ZNF469: variants seen among roughly 807,000 people sequenced by gnomAD.
ZNF469 encodes the protein zinc finger protein 469.
A neutral mutation model predicts 1.0 loss-of-function variants in ZNF469; 1 was observed. That is an observed-to-expected ratio of 1.00 (90% CI 0.35 to 4.73). The LOEUF is 4.73. Ranked by LOEUF, ZNF469 falls within the 30% of genes most tolerant of loss-of-function variation. ZNF469 has a pLI of 0.16. For synonymous variants in ZNF469, 2,703 were observed against 2,363.4 expected, an observed-to-expected ratio of 1.14 and a Z score of -4.17; for missense variants, 6,100 against 5,356.3, an observed-to-expected ratio of 1.14 and a Z score of -4.33.
At chr16:88,108,255 G>C in the ZNF469 span, among the ~76,000 whole-genome samples, 1 of 151,922 alleles carries the variant, frequency 6.6e-6, no homozygotes, top group Non-Finnish European at 1.5e-5. Context: ...GTCCATGTCT[G>C]TGGGGATGTG....
At chr16:88,359,198 G>A in the ZNF469 span, among the ~76,000 whole-genome samples, 25 of 151,332 alleles carry the variant, frequency 1.7e-4, no homozygotes, top group African/African-American at 4.1e-4. Context: ...AGAGAGTCCC[G>A]GGGGCTCGGT....
At chr16:88,287,919 T>C in the ZNF469 span, among the ~76,000 whole-genome samples, 1 of 152,222 alleles carries the variant, frequency 6.6e-6, no homozygotes, top group Non-Finnish European at 1.5e-5. Flanking sequence ...TTAGAAATGA[T>C]TTGAGATTTT....
the ZNF469 span, among the ~76,000 whole-genome samples, chr16:88,151,677 G>A: frequency 6.6e-6 from 1 of 152,178 alleles, no homozygotes; most frequent in South Asian, 2.1e-4. The surrounding 1 kb of genome is among the most constrained non-coding windows in gnomAD (Gnocchi z 5.4). Flanking sequence ...AACAATACTT[G>A]TGTGCACCCT....
chr16:88,411,240 G>A (rs535214473), intron 1 of ZNF469, among the ~76,000 whole-genome samples: 1 of 152,208 alleles, frequency 6.6e-6, no homozygotes, highest in African/African-American at 2.4e-5. Flanking sequence ...GAGGGTGAAA[G>A]TGCCACACAG....
the ZNF469 span, among the ~76,000 whole-genome samples, chr16:88,372,886 C>G: frequency 2.0e-5 from 3 of 152,224 alleles, no homozygotes; most frequent in African/African-American, 7.2e-5. Context: ...TCACCATCAT[C>G]ACCACCACTA....
chr16:88,122,039 A>G, the ZNF469 span, among the ~76,000 whole-genome samples: 3 of 145,860 alleles, frequency 2.1e-5, no homozygotes, highest in African/African-American at 8.2e-5. Context: ...GTCACTCACT[A>G]CGGCCACGGC....
chr16:88,243,581 A>G, the ZNF469 span, among the ~76,000 whole-genome samples: 6 of 151,772 alleles, frequency 4.0e-5, no homozygotes, highest in Non-Finnish European at 2.9e-5. Flanking sequence ...ATCTCCTTCA[A>G]CCCCATGGTC....
chr16:88,137,437 CGT>C, the ZNF469 span, among the ~76,000 whole-genome samples: 2 of 152,056 alleles, frequency 1.3e-5, no homozygotes, highest in Non-Finnish European at 2.9e-5. Context: ...TGCATGCAAC[CGT>C]GTGTGTGCAG....
At chr16:88,262,828 G>A in the ZNF469 span, among the ~76,000 whole-genome samples, 1 of 151,998 alleles carries the variant, frequency 6.6e-6, no homozygotes, top group Non-Finnish European at 1.5e-5. The surrounding 1 kb of genome is among the most constrained non-coding windows in gnomAD (Gnocchi z 4.3). Flanking sequence ...AATTCCCAGT[G>A]GTTTATCTTG....
the ZNF469 span, among the ~76,000 whole-genome samples, chr16:88,270,169 T>C: frequency 6.1e-4 from 93 of 152,308 alleles, no homozygotes; most frequent in South Asian, 0.013. Flanking sequence ...TCCTCCTGGA[T>C]GACCCCAAGC....
intron 1 of ZNF469, among the ~76,000 whole-genome samples, chr16:88,387,533 G>T (rs1904370417): frequency 6.6e-6 from 1 of 152,220 alleles, no homozygotes. Context: ...GCTGGGGGCG[G>T]CTTGGGGGCT....
the ZNF469 span, among the ~76,000 whole-genome samples, chr16:88,339,884 GGCCTGGCCAT>G: frequency 1.1e-5 from 1 of 94,134 alleles, no homozygotes; most frequent in Admixed American, 8.9e-5. Flanking sequence ...AGTGGCAGGG[GGCCTGGCCAT>G]GGCAAAGCCC....
chr16:88,204,202 C>CT, the ZNF469 span, among the ~76,000 whole-genome samples: 1 of 151,364 alleles, frequency 6.6e-6, no homozygotes, highest in Admixed American at 6.6e-5. Flanking sequence ...GCCCCGTAAC[C>CT]TCATAGAGAA....
At chr16:88,266,691 G>T in the ZNF469 span, among the ~76,000 whole-genome samples, 1 of 152,206 alleles carries the variant, frequency 6.6e-6, no homozygotes, top group Non-Finnish European at 1.5e-5. Context: ...GACCTGGGAC[G>T]TGCTGGTCGG....
the ZNF469 span, among the ~76,000 whole-genome samples, chr16:88,126,189 A>AC: frequency 1.3e-5 from 1 of 74,910 alleles, no homozygotes; most frequent in African/African-American, 7.2e-5. Context: ...ACTCCATCCC[A>AC]AAAAAAAAAA....
chr16:88,409,359 G>A (rs949765999), intron 1 of ZNF469, among the ~76,000 whole-genome samples: 1 of 152,260 alleles, frequency 6.6e-6, no homozygotes, highest in South Asian at 2.1e-4. Flanking sequence ...CAGAGACTGA[G>A]CACGGCTAGA....
the ZNF469 span, among the ~76,000 whole-genome samples, chr16:88,346,129 C>G: frequency 6.6e-6 from 1 of 152,244 alleles, no homozygotes; most frequent in Admixed American, 6.5e-5. Flanking sequence ...CTTTCCTACT[C>G]TTCCTCCGTG....
At chr16:88,338,857 C>T in the ZNF469 span, among the ~76,000 whole-genome samples, 2 of 152,172 alleles carry the variant, frequency 1.3e-5, no homozygotes, top group South Asian at 4.1e-4. Flanking sequence ...GCAGCAGGGA[C>T]CCTCCTGGAG....
intron 1 of ZNF469, among the ~76,000 whole-genome samples, chr16:88,415,855 G>A (rs1055936421): frequency 7.2e-5 from 11 of 152,198 alleles, no homozygotes; most frequent in South Asian, 2.1e-4. Flanking sequence ...GGCCACACCC[G>A]GCACACAGTC....
Sources: gnomAD v4.1 joint callset for allele counts (sites outside exome capture counted in the v4.1 genomes callset) on GRCh38, gnomAD v4.1.1 for gene constraint, Gnocchi (gnomAD v3.1) non-coding constraint, MANE v1.5 for transcripts, NCBI Gene and HGNC (gene_info 2026-07-23, HGNC 2026-07-21) for gene names.